Variants in GALNT13 observed in about 807,000 individuals in gnomAD.
GALNT13 encodes the protein UDP-GalNAc:polypeptide N-acetylgalactosaminyltransferase 13.
A neutral mutation model predicts 64.2 loss-of-function variants in GALNT13; 28 were observed. The observed-to-expected ratio is 0.44, with a 90% CI of 0.32 to 0.60. GALNT13 has a LOEUF of 0.60. GALNT13 is among the 20% of genes least tolerant of loss of function. The pLI is 0.05. For synonymous variants in GALNT13, 214 were observed against 224.6 expected, an observed-to-expected ratio of 0.95 and a Z score of 0.42; for missense variants, 577 against 669.8, an observed-to-expected ratio of 0.86 and a Z score of 1.53.
chr2:153,129,074 A>G, the GALNT13 span, among the ~76,000 whole-genome samples: 1 of 152,138 alleles, frequency 6.6e-6, no homozygotes, highest in African/African-American at 2.4e-5. Flanking sequence ...CTGAGCACAC[A>G]TGTTGGGAAT....
chr2:153,249,393 G>GA, the GALNT13 span, among the ~76,000 whole-genome samples: 1 of 151,952 alleles, frequency 6.6e-6, no homozygotes, highest in African/African-American at 2.4e-5. Flanking sequence ...AAATCAATGG[G>GA]AAAAAATTTC....
the GALNT13 span, among the ~76,000 whole-genome samples, chr2:153,406,111 C>T: frequency 5.3e-5 from 8 of 152,250 alleles, no homozygotes; most frequent in South Asian, 1.5e-3. Context: ...CTAACCCCAC[C>T]AATAGCACTG....
At chr2:154,268,095 A>C (rs1003528803) in intron 8 of GALNT13, among the ~76,000 whole-genome samples, 1 of 152,224 alleles carries the variant, frequency 6.6e-6, no homozygotes, top group African/African-American at 2.4e-5. Flanking sequence ...GTATTTACTC[A>C]GTGGAAAGGA....
the GALNT13 span, among the ~76,000 whole-genome samples, chr2:153,398,073 TC>T: frequency 1.1e-4 from 7 of 63,594 alleles, no homozygotes; most frequent in African/African-American, 4.5e-4. Flanking sequence ...CCCTCCCCCC[TC>T]CCCCTACCCC....
chr2:154,210,123 G>A (rs76804511), intron 4 of GALNT13, among the ~76,000 whole-genome samples: 2,096 of 152,216 alleles, frequency 0.014, 52 homozygotes, highest in African/African-American at 0.047. Context: ...AATTTCACTA[G>A]CATAATGTCC....
the GALNT13 span, among the ~76,000 whole-genome samples, chr2:153,081,721 A>G: frequency 6.6e-6 from 1 of 152,188 alleles, no homozygotes. Flanking sequence ...GTGGCTGAAT[A>G]GTACTCCGCT....
chr2:154,128,722 A>G (rs1682442776), intron 3 of GALNT13, among the ~76,000 whole-genome samples: 1 of 152,014 alleles, frequency 6.6e-6, no homozygotes, highest in African/African-American at 2.4e-5. Flanking sequence ...TTTTTCTTCC[A>G]CTAGAAATTT....
chr2:153,534,530 T>C, the GALNT13 span, among the ~76,000 whole-genome samples: 18 of 150,594 alleles, frequency 1.2e-4, 1 homozygote, highest in South Asian at 1.7e-3. Context: ...TTCTTTCTTT[T>C]TTTTTTTTTT....
the GALNT13 span, among the ~76,000 whole-genome samples, chr2:153,812,376 T>C: frequency 2.0e-5 from 3 of 152,210 alleles, no homozygotes; most frequent in African/African-American, 7.2e-5. Flanking sequence ...TAGGTTTCTA[T>C]TGTTAATTTC....
At chr2:153,144,150 G>A in the GALNT13 span, among the ~76,000 whole-genome samples, 1 of 151,952 alleles carries the variant, frequency 6.6e-6, no homozygotes, top group African/African-American at 2.4e-5. Context: ...ATGGAAAGAA[G>A]GGTCATTGGA....
chr2:153,606,480 A>T, the GALNT13 span, among the ~76,000 whole-genome samples: 4 of 152,062 alleles, frequency 2.6e-5, no homozygotes, highest in Non-Finnish European at 5.9e-5. Context: ...TTAAAAAATT[A>T]TGAATTTTTT....
chr2:153,987,763 C>T lies in GALNT13; in HGVS notation c.142+43124C>T, dbSNP rs1044423810. Among the ~76,000 whole-genome samples, 3 of 151,440 alleles carry T rather than the reference C, an allele frequency of 2.0e-5. No homozygotes were observed. In the Admixed American group the frequency reaches 2.0e-4, roughly 10 times the overall value. Reference sequence around the variant, plus strand: ...GGCACTAGATAGGATGATAACTCACCCTGAGTTGGGAGATAATTGACTTCA... The same window carrying T: ...GGCACTAGATAGGATGATAACTCACTCTGAGTTGGGAGATAATTGACTTCA... On this transcript the variant is annotated intron_variant, in intron 3 of 12. Transcript: ENST00000392825.
chr2:153,927,163 C>T (rs1055753210), intron 2 of GALNT13, among the ~76,000 whole-genome samples: 6 of 151,926 alleles, frequency 3.9e-5, no homozygotes, highest in South Asian at 2.1e-4. Context: ...TTTTAATAAA[C>T]GCTATTTCTT....
the GALNT13 span, among the ~76,000 whole-genome samples, chr2:153,363,550 G>A: frequency 3.9e-5 from 6 of 151,936 alleles, no homozygotes; most frequent in Non-Finnish European, 1.5e-5. Context: ...TGATAAAGGG[G>A]ATATCACAAC....
chr2:153,314,015 T>C, the GALNT13 span, among the ~76,000 whole-genome samples: 1 of 152,302 alleles, frequency 6.6e-6, no homozygotes, highest in African/African-American at 2.4e-5. Flanking sequence ...GCAAGTATTA[T>C]AGCAGCACTA....
At chr2:153,177,661 G>C in the GALNT13 span, among the ~76,000 whole-genome samples, 1 of 151,864 alleles carries the variant, frequency 6.6e-6, no homozygotes, top group African/African-American at 2.4e-5. Flanking sequence ...ATATAATGTG[G>C]AATAATTTAA....
the GALNT13 span, among the ~76,000 whole-genome samples, chr2:153,300,293 C>G: frequency 2.6e-5 from 4 of 152,190 alleles, no homozygotes; most frequent in African/African-American, 9.7e-5. Context: ...ACTCTCTCAG[C>G]TCCTTTAGAG....
the GALNT13 span, among the ~76,000 whole-genome samples, chr2:153,337,212 A>G: frequency 1.3e-5 from 2 of 152,200 alleles, no homozygotes; most frequent in Non-Finnish European, 2.9e-5. Context: ...AGATATCATA[A>G]TTTACAAATA....
intron 9 of GALNT13, among the ~76,000 whole-genome samples, chr2:154,375,127 A>G (rs1044417284): frequency 2.0e-5 from 3 of 152,090 alleles, no homozygotes; most frequent in Non-Finnish European, 2.9e-5. Context: ...AGCTGGGACT[A>G]CAGGCGCCCG....
Sources: allele counts gnomAD v4.1 joint callset (sites outside exome capture counted in the v4.1 genomes callset), GRCh38; gene constraint gnomAD v4.1.1; transcripts MANE v1.5; gene names NCBI Gene and HGNC (gene_info 2026-07-23, HGNC 2026-07-21).